The following POLQ variants were observed in gnomAD, a reference collection of about 807,000 sequenced individuals.
The protein encoded by POLQ is epididymis secretory sperm binding protein.
POLQ carries 233 observed loss-of-function variants against 259.2 expected under a neutral mutation model. That is an observed-to-expected ratio of 0.90 (90% confidence interval 0.81 to 1.00). The LOEUF (loss-of-function observed/expected upper bound fraction) is 1.00, where lower values mean the gene tolerates loss of function less well. Ranked by LOEUF, POLQ falls within the 50% of genes least tolerant of loss-of-function variation. The pLI is 0.00. For missense variants in POLQ, 2,871 were observed against 3,051.6 expected, an observed-to-expected ratio of 0.94 and a Z score of 1.39; for synonymous variants, 1,025 against 1,048.8, an observed-to-expected ratio of 0.98 and a Z score of 0.44.
chr3:121,494,460 C>A, intron 14 of POLQ: 1 of 1,506,064 alleles, frequency 6.6e-7, no homozygotes, highest in Non-Finnish European at 9.2e-7. Context: ...TTGGCCTGGG[C>A]CAAGAAGAAA....
chr3:121,493,865 G>A, intron 14 of POLQ, 144 bp from the exon 15 acceptor site: 1 of 690,098 alleles, frequency 1.4e-6, no homozygotes, highest in Non-Finnish European at 2.4e-6. Context: ...GTTAACAAGG[G>A]AGCAGATATA....
chr3:121,500,800 A>G lies in POLQ; in HGVS notation c.1960-2130T>C, dbSNP rs530654323. On this transcript the variant is annotated intron_variant, in intron 12 of 29. Coordinates refer to ENST00000264233, the MANE Select transcript of POLQ (RefSeq NM_199420.4). Reference sequence around the variant, plus strand: ...GTCAAAACATTAAAACTGAAGAAAAAAAATCTTGAAAACAGCAAGAAAAAG... The same window carrying G: ...GTCAAAACATTAAAACTGAAGAAAAGAAATCTTGAAAACAGCAAGAAAAAG... Among the ~76,000 whole-genome samples the G allele has an allele frequency of 3.6e-4, 55 of 152,328 alleles. 2 individuals are homozygous for G. The South Asian group carries it at 0.011, about 31-fold the overall frequency.
intron 28 of POLQ, among the ~76,000 whole-genome samples, chr3:121,434,633 T>G (rs1175163774): frequency 1.3e-5 from 2 of 152,228 alleles, no homozygotes; most frequent in African/African-American, 4.8e-5. Flanking sequence ...ACAATATTAA[T>G]AATCCTCACT....
chr3:121,462,480 G>A (rs747556711), intron 24 of POLQ, among the ~76,000 whole-genome samples: 16 of 152,128 alleles, frequency 1.1e-4, no homozygotes, highest in Non-Finnish European at 2.4e-4. Flanking sequence ...TGAGGCAGCT[G>A]GAATTTGGAG....
At chr3:121,519,301 T>C (rs2108812060) in intron 9 of POLQ, among the ~76,000 whole-genome samples, 1 of 150,980 alleles carries the variant, frequency 6.6e-6, no homozygotes, top group East Asian at 1.9e-4. Flanking sequence ...AATCATTTTA[T>C]TGTATACAAT....
rs1576401364 is a variant in POLQ, at chr3:121,452,375, G to A, written c.7153-2949C>T. Among the ~76,000 whole-genome samples the A allele has an allele frequency of 3.9e-5, 6 of 152,252 alleles. 1 individual carries two copies. In the South Asian group the frequency reaches 1.0e-3, roughly 26 times the overall value. ...GTCTTCTGCATAGCTTACGCTGGGA[G>A]CTGTAGACTGGAGCTGTTCCAATTC... On this transcript the variant is annotated intron_variant, in intron 25 of 29. Coordinates refer to ENST00000264233, the MANE Select transcript of POLQ (RefSeq NM_199420.4).
rs796534977 is a variant in POLQ, at chr3:121,541,976, C to CA, written c.344-498dup. 1.3e-3 allele frequency among the ~76,000 whole-genome samples: 189 copies of CA among 143,016 alleles called. 2 individuals are homozygous for CA. The highest frequency in any genetic ancestry group is 3.5e-3 in the Middle Eastern group (1 of 282). 93.8% of individuals were successfully genotyped at this position (143,016 alleles called of 152,430 possible). On this transcript the variant is annotated intron_variant, in intron 2 of 29. Coordinates refer to ENST00000264233, the MANE Select transcript of POLQ (RefSeq NM_199420.4). ...CCCATCTCTATTACTATAAAAATAACAAAAAAAAAAATAGCTGGGCGTGGT... is the reference window on the plus strand; with the variant it reads ...CCCATCTCTATTACTATAAAAATAACAAAAAAAAAAAATAGCTGGGCGTGGT...
In POLQ at chr3:121,453,477, AG is replaced by A. The variant is rs369978238; in HGVS notation, c.7153-4052del. 3.9e-4 allele frequency among the ~76,000 whole-genome samples: 60 copies of A among 152,342 alleles called. 1 individual carries two copies. The East Asian group carries it at 6.6e-3, about 17-fold the overall frequency. On this transcript the variant is annotated intron_variant, in intron 25 of 29. Coordinates refer to ENST00000264233, the MANE Select transcript of POLQ (RefSeq NM_199420.4). The stretch of plus-strand genomic sequence containing the variant: ...AGGAAATTCAAGCAAAAGGCAAACA[AG>A]TTAAAAACTTAGAATAAAATTTAGA...
intron 19 of POLQ, among the ~76,000 whole-genome samples, chr3:121,477,859 A>C (rs2047939698): frequency 6.6e-6 from 1 of 152,188 alleles, no homozygotes; most frequent in South Asian, 2.1e-4. Flanking sequence ...AACCACCACG[A>C]AAAGCAAAGA....
intron 26 of POLQ, among the ~76,000 whole-genome samples, chr3:121,443,805 C>T (rs995883961): frequency 6.6e-6 from 1 of 152,106 alleles, no homozygotes; most frequent in African/African-American, 2.4e-5. Flanking sequence ...CATTCTTCTG[C>T]ATATTCAGTT....
Position 121,432,302 on chromosome 3 carries a change from A to T in POLQ, c.*2T>A. 1 of 1,593,584 alleles carries T rather than the reference A, an allele frequency of 6.3e-7. No homozygotes were observed. The highest frequency in any genetic ancestry group is 2.3e-5 in the East Asian group (1 of 43,310). ...CCTGGGAGGACTTCATCAACAGCAC[A>T]GTTACACATCAAAGTCCTTTAGCTC... On this transcript the variant is annotated 3_prime_UTR_variant, in exon 30 of 30. Transcript: ENST00000264233.
At chr3:121,531,049 T>C (rs1285866252) in intron 6 of POLQ, among the ~76,000 whole-genome samples, 1 of 152,060 alleles carries the variant, frequency 6.6e-6, no homozygotes, top group Non-Finnish European at 1.5e-5. Context: ...TAGTTGGGCA[T>C]GGTGGCGCAT....
chr3:121,536,018 C>T (rs1052423038), intron 5 of POLQ, among the ~76,000 whole-genome samples: 1 of 152,080 alleles, frequency 6.6e-6, no homozygotes, highest in Non-Finnish European at 1.5e-5. Flanking sequence ...TGGTAGAATA[C>T]ACAACTGGGG....
rs188991675 is a variant in POLQ, at chr3:121,520,221, T to G, written c.1256-138A>C. The G allele has an allele frequency of 3.0e-5, 19 of 634,452 alleles. No homozygotes were observed. The Admixed American group carries it at 4.5e-4, about 15-fold the overall frequency. 39.3% of individuals were successfully genotyped at this position (634,452 alleles called of 1,614,324 possible). On this transcript the variant is annotated intron_variant, in intron 8 of 29. Coordinates refer to ENST00000264233, the MANE Select transcript of POLQ (RefSeq NM_199420.4). ...ATTGTTATGACTGTTGACAAAGGAG[T>G]CATCACAGTCTATCTCTTTAACAGC... is the stretch of plus-strand genomic sequence containing the variant.
intron 25 of POLQ, among the ~76,000 whole-genome samples, chr3:121,457,863 G>A (rs1180915522): frequency 2.0e-5 from 3 of 152,282 alleles, no homozygotes; most frequent in African/African-American, 4.8e-5. Flanking sequence ...AATACCATTT[G>A]ACCCAGCCAT....
chr3:121,447,784 T>C (rs894270494), intron 26 of POLQ, among the ~76,000 whole-genome samples: 1 of 152,244 alleles, frequency 6.6e-6, no homozygotes. Flanking sequence ...AAGTCTTTAT[T>C]TCTCCTTCAT....
Position 121,496,822 on chromosome 3 carries a change from G to A in POLQ, c.2264C>T (p.Ala755Val). 1 of 1,612,994 alleles carries A rather than the reference G, an allele frequency of 6.2e-7. No homozygotes were observed. Among genetic ancestry groups the A allele is most frequent in the Non-Finnish European group, 8.5e-7 (1 of 1,179,800 alleles). Residue 755 changes from alanine to valine, a missense_variant, in exon 14 of 30, where the codon GCT becomes GTT. By Grantham distance (64) the Ala-to-Val change is moderately conservative (BLOSUM62 0). Transcript: ENST00000264233. ...RGQIQSLQQS[A>V]AVYAGMITVF... ...GTTTAACTGACCTGCATAAACAGCA[G>A]CTGACTGTTGCAAAGATTGAATCTG... is the stretch of plus-strand genomic sequence containing the variant.
chr3:121,509,754 A>G, intron 11 of POLQ, 51 bp from the exon 12 acceptor site: 2 of 1,522,842 alleles, frequency 1.3e-6, no homozygotes, highest in Non-Finnish European at 1.8e-6. Context: ...TCAAAATAAA[A>G]TAAAACAAAA....
At chr3:121,522,593 G>A (rs1179449064) in intron 7 of POLQ, among the ~76,000 whole-genome samples, 3 of 151,308 alleles carry the variant, frequency 2.0e-5, no homozygotes, top group African/African-American at 4.9e-5. Context: ...TTACAGGCGT[G>A]AGCCACCGCG....
Sources: allele counts gnomAD v4.1 joint callset (sites outside exome capture counted in the v4.1 genomes callset), GRCh38; gene constraint gnomAD v4.1.1; transcripts MANE v1.5; gene names NCBI Gene and HGNC (gene_info 2026-07-23, HGNC 2026-07-21).